The following DNAJC14 variants were observed in gnomAD, a reference collection of about 807,000 sequenced individuals.
The protein encoded by DNAJC14 is DnaJ heat shock protein family (Hsp40) member C14, also known as dnaJ homolog subfamily C member 14.
In DNAJC14, 12 loss-of-function variants were observed where a neutral mutation model predicts 68.8. The observed-to-expected ratio is 0.17, with a 90% confidence interval of 0.11 to 0.28. The LOEUF is 0.28. DNAJC14 is among the 10% of genes least tolerant of loss of function. DNAJC14 has a pLI of 1.00. For synonymous variants in DNAJC14, 350 were observed against 321.5 expected (o/e 1.09, Z -0.95); for missense variants, 764 against 875.6 (o/e 0.87, Z 1.61).
In DNAJC14 at chr12:55,827,989, C is replaced by T. The variant is rs760443727; in HGVS notation, c.670G>A (p.Gly224Ser). The T allele has an allele frequency of 1.2e-6, 2 of 1,613,148 alleles. No individual in the cohort carries two copies. The highest frequency in any genetic ancestry group is 3.3e-5 in the Admixed American group (2 of 59,954). Reference sequence around the variant, plus strand: ...TTATCTGCCTGACTTCGTTTCCGACCCAGCCGATGTCGACCAGGGGACCTG... The same window carrying T: ...TTATCTGCCTGACTTCGTTTCCGACTCAGCCGATGTCGACCAGGGGACCTG... ...DPRSPGRHRL[G>S]RKRSQADKRK... The change falls in exon 2 of 7, where the codon GGT becomes AGT. Residue 224 changes from glycine (G) to serine (S), a missense_variant. This residue lies in a region of DNAJC14 where 514 missense variants were observed against 521.7 expected (regional missense o/e 0.99). Coordinates refer to ENST00000678005, the MANE Select transcript of DNAJC14 (RefSeq NM_032364.6).
In DNAJC14 at chr12:55,828,020, C is replaced by A; in HGVS notation, c.639G>T (p.Arg213Ser). The A allele has an allele frequency of 6.2e-7, 1 of 1,613,456 alleles. No homozygotes were observed. Among genetic ancestry groups the A allele is most frequent in the African/African-American group, 1.3e-5 (1 of 75,064 alleles). Reference sequence around the variant, plus strand: ...GATGTCGACCAGGGGACCTGGGATCCCTACGTCCACCCTCCCGAGTATCCT... The same window carrying A: ...GATGTCGACCAGGGGACCTGGGATCACTACGTCCACCCTCCCGAGTATCCT... ...TKEDTREGGR[R>S]DPRSPGRHRL... The change falls in exon 2 of 7, where the codon AGG becomes AGT. Residue 213 changes from arginine (R) to serine (S), a missense_variant. Coordinates refer to ENST00000678005, the MANE Select transcript of DNAJC14 (RefSeq NM_032364.6).
Position 55,828,097 on chromosome 12 carries a change from T to A in DNAJC14, c.562A>T (p.Ser188Cys). 1 of 1,600,976 alleles carries A rather than the reference T, an allele frequency of 6.2e-7. No individual in the cohort carries two copies. The highest frequency in any genetic ancestry group is 8.5e-7 in the Non-Finnish European group (1 of 1,174,364). ...KFPSDFSRVS[S>C]GKKPPSRRQR... ...CTCCGGGATGGGGGTTTCTTTCCGC[T>A]GGACACACGTGAAAAATCACTGGGG... The change falls in exon 2 of 7, where the codon AGC becomes TGC. Residue 188 changes from serine to cysteine, a missense_variant. Physicochemically the swap from Ser to Cys is moderately radical, Grantham distance 112. Transcript: ENST00000678005.
rs201520030 is a variant in DNAJC14, at chr12:55,827,532, C to G, written c.1127G>C (p.Arg376Pro). Reference protein sequence around the residue: ...FSWLDSPALQRCLTLLRDSRP... With the variant: ...FSWLDSPALQPCLTLLRDSRP... ...GCTATCTCTCAGCAGAGTCAAGCAA[C>G]GCTGCAAGGCTGGAGAATCCAGCCA... The change falls in exon 2 of 7, where the codon CGT becomes CCT. Residue 376 changes from arginine (R) to proline (P), a missense_variant. Arg to Pro is a moderately radical substitution (Grantham distance 103, BLOSUM62 -2). Coordinates refer to ENST00000678005, the MANE Select transcript of DNAJC14 (RefSeq NM_032364.6). 7.5e-6 allele frequency: 12 copies of G among 1,605,626 alleles called. No homozygotes were observed. Among genetic ancestry groups the G allele is most frequent in the Admixed American group, 1.7e-5 (1 of 59,830 alleles).
chr12:55,827,065 C>T (rs946465107), intron 2 of DNAJC14, among the ~76,000 whole-genome samples, 187 bp downstream of exon 2: 3 of 151,606 alleles, frequency 2.0e-5, no homozygotes, highest in East Asian at 3.9e-4. Flanking sequence ...GTGGCGCGCA[C>T]CTGTAATCCC....
chr12:55,823,906 G>T (rs187761518), intron 2 of DNAJC14, among the ~76,000 whole-genome samples: 104 of 149,784 alleles, frequency 6.9e-4, no homozygotes, highest in Non-Finnish European at 1.3e-3. Context: ...GTTTCATCTA[G>T]TTGGCCAGTC....
In DNAJC14 at chr12:55,828,096, C is replaced by G. The variant is rs1294680228; in HGVS notation, c.563G>C (p.Ser188Thr). The G allele has an allele frequency of 1.2e-6, 2 of 1,602,454 alleles. No individual in the cohort carries two copies. Among genetic ancestry groups the G allele is most frequent in the Non-Finnish European group, 8.5e-7 (1 of 1,174,780 alleles). Reference protein sequence around the residue: ...KFPSDFSRVSSGKKPPSRRQR... With the variant: ...KFPSDFSRVSTGKKPPSRRQR... ...TCTCCGGGATGGGGGTTTCTTTCCG[C>G]TGGACACACGTGAAAAATCACTGGG... is the stretch of plus-strand genomic sequence containing the variant. Residue 188 changes from serine (S) to threonine (T), a missense_variant, in exon 2 of 7, where the codon AGC becomes ACC. This residue lies in a region of DNAJC14 where 514 missense variants were observed against 521.7 expected (regional missense o/e 0.99). Transcript: ENST00000678005.
upstream of DNAJC14, chr12:55,830,153 AG>A (rs1880940395): frequency 6.6e-6 from 1 of 151,566 alleles, no homozygotes; most frequent in African/African-American, 2.4e-5. Flanking sequence ...CGCTTGACCC[AG>A]CTGGCGAGCT....
At chr12:55,826,632 T>C (rs1042100165) in intron 2 of DNAJC14, among the ~76,000 whole-genome samples, 138 of 151,858 alleles carry the variant, frequency 9.1e-4, no homozygotes, top group African/African-American at 3.3e-3. Context: ...AAACCCCGTT[T>C]CTACTAAAAA....
intron 2 of DNAJC14, among the ~76,000 whole-genome samples, chr12:55,824,809 G>T (rs1249561758): frequency 2.0e-5 from 3 of 152,102 alleles, no homozygotes; most frequent in Non-Finnish European, 4.4e-5. Flanking sequence ...TAGTAACAAT[G>T]AGAGTAAACA....
At position 55,827,596 on chromosome 12, in the gene DNAJC14, G is replaced by A. The variant is rs760649302; in HGVS notation, c.1063C>T (p.Arg355Trp). Residue 355 changes from arginine (R) to tryptophan (W), a missense_variant, in exon 2 of 7, where the codon CGG (arginine) becomes TGG (tryptophan). Physicochemically the swap from Arg to Trp is moderately radical, Grantham distance 101. Around this residue, in one of 4 missense-constraint regions of DNAJC14, gnomAD observed 514 missense variants for 521.7 expected, o/e 0.99. Transcript: ENST00000678005. ...GTAGCCTTATCCCTCCAGCCTAACC[G>A]GTCACCTAGTCCCACCAGAAACCGC... ...GWRFLVGLGD[R>W]LGWRDKATWL... is the part of the protein sequence containing the mutation. 1.3e-4 allele frequency: 215 copies of A among 1,606,822 alleles called. No individual in the cohort carries two copies. Among genetic ancestry groups the A allele is most frequent in the Non-Finnish European group, 1.7e-4 (194 of 1,174,604 alleles).
rs979133968 is a variant in DNAJC14, at chr12:55,829,555, C to A, written c.-123G>T. ...TGGGGCCAGGGTGAGCTACGAGAGC[C>A]GCTCTCCCGGCTCCGCCTCCCGCTC... is the stretch of plus-strand genomic sequence containing the variant. On this transcript the variant is annotated 5_prime_UTR_variant, in exon 1 of 7. Transcript: ENST00000678005. 6.2e-5 allele frequency: 61 copies of A among 985,360 alleles called. No homozygotes were observed. The highest frequency in any genetic ancestry group is 7.0e-5 in the Non-Finnish European group (58 of 829,964). The allele number at this position is 985,360 out of a possible 1,614,324, so 61.0% of individuals were successfully genotyped here. A position where few individuals can be genotyped will look rare whatever the true frequency, so the allele number is the denominator to read the frequency against.
At position 55,827,770 on chromosome 12, in the gene DNAJC14, GC is replaced by G; in HGVS notation, c.888del (p.Arg297GlyfsTer2). 1 of 1,613,732 alleles carries G rather than the reference GC, an allele frequency of 6.2e-7. No individual in the cohort carries two copies. Among genetic ancestry groups the G allele is most frequent in the Non-Finnish European group, 8.5e-7 (1 of 1,179,842 alleles). On this transcript the variant is annotated frameshift_variant, in exon 2 of 7. Transcript: ENST00000678005. LOFTEE classifies it high-confidence loss of function. The part of the protein sequence containing the change: ...LFRVWMGVWT[G>X]RLGGWAQVMF... ...ATGACCTGGGCCCAGCCCCCTAACC[GC>G]CCTGTCCACACTCCCATCCAAACTC...
In DNAJC14 at chr12:55,828,579, G is replaced by T; in HGVS notation, c.80C>A (p.Pro27His). ...SGGASLRTLG[P>H]SVDPEIPSFS... The stretch of plus-strand genomic sequence containing the variant: ...TGAAGGTATTTCAGGGTCCACGGAG[G>T]GTCCTAAAGTCCTGAGGGAGGCACC... The change falls in exon 2 of 7, where the codon CCC (proline) becomes CAC (histidine). Residue 27 changes from proline to histidine, a missense_variant. Pro to His is a moderately conservative substitution (Grantham distance 77). This residue lies in a region of DNAJC14 where 514 missense variants were observed against 521.7 expected (regional missense o/e 0.99). Coordinates refer to ENST00000678005, the MANE Select transcript of DNAJC14 (RefSeq NM_032364.6). 3.1e-6 allele frequency: 5 copies of T among 1,614,028 alleles called. No homozygotes were observed. Among genetic ancestry groups the T allele is most frequent in the Non-Finnish European group, 4.2e-6 (5 of 1,180,010 alleles).
intron 1 of DNAJC14, chr12:55,829,024 G>A (rs1439033529): frequency 1.2e-6 from 1 of 861,942 alleles, no homozygotes; most frequent in Admixed American, 5.7e-5. Context: ...AAATGGGAAA[G>A]ACCGCCGGAA....
At chr12:55,825,710 A>AT (rs1476278149) in intron 2 of DNAJC14, among the ~76,000 whole-genome samples, 3 of 151,510 alleles carry the variant, frequency 2.0e-5, no homozygotes, top group Non-Finnish European at 2.9e-5. Context: ...CACCCGGCTA[A>AT]TTTTTTTGTA....
chr12:55,825,130 C>CAAA (rs71074860), intron 2 of DNAJC14, among the ~76,000 whole-genome samples: 12 of 65,402 alleles, frequency 1.8e-4, no homozygotes, highest in South Asian at 5.5e-4. Flanking sequence ...GACCCTGTCT[C>CAAA]AAAAAAAAAA....
At position 55,825,746 on chromosome 12, in the gene DNAJC14, A is replaced by G. The variant is rs149412335; in HGVS notation, c.1407+1506T>C. On this transcript the variant is annotated intron_variant, in intron 2 of 6. Transcript: ENST00000678005. ...TTTTTAGTAGAGACAGGGTTTCACCATGTTAGCCAGGATGGTCTCGATCTC... is the reference window on the plus strand; with the variant it reads ...TTTTTAGTAGAGACAGGGTTTCACCGTGTTAGCCAGGATGGTCTCGATCTC... Among the ~76,000 whole-genome samples the G allele has an allele frequency of 7.1e-3, 1,084 of 151,844 alleles. 14 individuals carry two copies. The highest frequency in any genetic ancestry group is 0.024 in the African/African-American group (998 of 41,392).
chr12:55,825,801 C>G (rs1335057485), intron 2 of DNAJC14, among the ~76,000 whole-genome samples: 1 of 152,040 alleles, frequency 6.6e-6, no homozygotes, highest in Admixed American at 6.6e-5. Flanking sequence ...ACCTCACCCT[C>G]CCAAAGTGCT....
In DNAJC14 at chr12:55,827,232, G is replaced by A; in HGVS notation, c.1407+20C>T. ...AATATGGGAACAAAAGAGAGAAACAGGAAACAGAAGGGTACTCACCATCAC... is the reference window on the plus strand; with the variant it reads ...AATATGGGAACAAAAGAGAGAAACAAGAAACAGAAGGGTACTCACCATCAC... On this transcript the variant is annotated intron_variant, in intron 2 of 6. Transcript: ENST00000678005. The A allele has an allele frequency of 7.1e-7, 1 of 1,404,264 alleles. No individual in the cohort carries two copies. Among genetic ancestry groups the A allele is most frequent in the Non-Finnish European group, 9.3e-7 (1 of 1,072,792 alleles). 87.0% of individuals were successfully genotyped at this position (1,404,264 alleles called of 1,614,324 possible). A position where few individuals can be genotyped will look rare whatever the true frequency, so the allele number is the denominator to read the frequency against.
Sources: allele counts gnomAD v4.1 joint callset (sites outside exome capture counted in the v4.1 genomes callset), GRCh38; gene constraint gnomAD v4.1.1; regional missense constraint gnomAD v4.1.1; transcripts MANE v1.5; gene names NCBI Gene and HGNC (gene_info 2026-07-23, HGNC 2026-07-21).